Variants in DNM3 observed in about 807,000 individuals in gnomAD.
The protein encoded by DNM3 is dynamin-3.
A neutral mutation model predicts 101.6 loss-of-function variants in DNM3; 47 were observed. The observed-to-expected ratio is 0.46, with a 90% CI of 0.37 to 0.59. The LOEUF is 0.59. DNM3 is among the 20% of genes least tolerant of loss of function. The pLI, the probability that DNM3 is intolerant of heterozygous loss-of-function variation, is 0.00. For synonymous variants in DNM3, 385 were observed against 387.9 expected (o/e 0.99, Z 0.09); for missense variants, 849 against 1,085.7 (o/e 0.78, Z 3.06).
At chr1:172,107,573 A>G (rs754314246) in intron 13 of DNM3, among the ~76,000 whole-genome samples, 2 of 152,198 alleles carry the variant, frequency 1.3e-5, no homozygotes, top group Non-Finnish European at 1.5e-5. Flanking sequence ...ATAAAACCTC[A>G]TTGACTATAA....
Position 172,264,487 on chromosome 1 carries a change from T to G in DNM3, c.1769+10805T>G, listed in dbSNP as rs1295016230. ...TTGTTTTCTCTTCTGAGACAAGACC[T>G]TATAAGAAAATAAGTGTTCTCATTC... On this transcript the variant is annotated intron_variant, in intron 15 of 20. Transcript: ENST00000627582. Among the ~76,000 whole-genome samples, 4 of 152,220 alleles carry G rather than the reference T, an allele frequency of 2.6e-5. No homozygotes were observed. In the South Asian group the frequency reaches 8.3e-4, roughly 32 times the overall value.
At chr1:172,254,213 A>T (rs1378815686) in intron 15 of DNM3, among the ~76,000 whole-genome samples, 1 of 152,200 alleles carries the variant, frequency 6.6e-6, no homozygotes, top group African/African-American at 2.4e-5. Context: ...GGCATGAGCC[A>T]CTGCACCCAG....
At chr1:172,351,419 T>C (rs1178211523) in intron 17 of DNM3, among the ~76,000 whole-genome samples, 2 of 152,162 alleles carry the variant, frequency 1.3e-5, no homozygotes, top group East Asian at 1.9e-4. Flanking sequence ...AAGTAAACTT[T>C]TTTAGCAATA....
At chr1:171,884,897 G>T (rs929453963) in intron 1 of DNM3, among the ~76,000 whole-genome samples, 2 of 152,196 alleles carry the variant, frequency 1.3e-5, no homozygotes, top group Admixed American at 1.3e-4. Context: ...CTACAAAAGG[G>T]TGTGAATACA....
In DNM3 at chr1:172,057,319, G is replaced by A. The variant is rs978704615; in HGVS notation, c.1335+8569G>A. Among the ~76,000 whole-genome samples the A allele has an allele frequency of 1.4e-4, 22 of 152,194 alleles. 1 individual carries two copies. Among genetic ancestry groups the A allele is most frequent in the East Asian group, 5.8e-4 (3 of 5,172 alleles). On this transcript the variant is annotated intron_variant, in intron 10 of 20. Transcript: ENST00000627582. The stretch of plus-strand genomic sequence containing the variant: ...CCCCAATCTAGCAAGGCAGGCCAAC[G>A]CTCAGATTCAGGAAATACAGAGAAT...
intron 1 of DNM3, among the ~76,000 whole-genome samples, chr1:171,888,135 T>C (rs2036942550): frequency 6.6e-6 from 1 of 151,964 alleles, no homozygotes; most frequent in African/African-American, 2.4e-5. Context: ...AATTATATAT[T>C]AAGAATCTAG....
At chr1:172,359,651 C>T (rs2067642288) in intron 17 of DNM3, among the ~76,000 whole-genome samples, 1 of 151,054 alleles carries the variant, frequency 6.6e-6, no homozygotes, top group Non-Finnish European at 1.5e-5. Context: ...CCTTAAGTAG[C>T]TCTTGGCAGA....
At chr1:172,283,759 CAAAAAAAAA>C (rs769812358) in intron 15 of DNM3, among the ~76,000 whole-genome samples, 1 of 40,300 alleles carries the variant, frequency 2.5e-5, no homozygotes, top group African/African-American at 7.0e-5. Flanking sequence ...GACTCCATCT[CAAAAAAAAA>C]AAAAAAAAAA....
chr1:172,155,697 T>C (rs2058310938), intron 14 of DNM3, among the ~76,000 whole-genome samples: 1 of 152,124 alleles, frequency 6.6e-6, no homozygotes, highest in Non-Finnish European at 1.5e-5. Context: ...ACGCCTGTGA[T>C]GTTAGACTCT....
At chr1:172,333,965 A>G (rs1250866118) in intron 17 of DNM3, among the ~76,000 whole-genome samples, 2 of 152,214 alleles carry the variant, frequency 1.3e-5, no homozygotes, top group African/African-American at 2.4e-5. Context: ...TTCTCATTTT[A>G]TATCACAAGG....
chr1:171,957,541 CA>C (rs2042946926), intron 2 of DNM3, among the ~76,000 whole-genome samples: 1 of 152,116 alleles, frequency 6.6e-6, no homozygotes, highest in South Asian at 2.1e-4. Flanking sequence ...GCAAATTTTC[CA>C]AACTTTTATG....
intron 4 of DNM3, among the ~76,000 whole-genome samples, chr1:172,028,151 T>G (rs549668428): frequency 6.6e-6 from 1 of 152,172 alleles, no homozygotes; most frequent in Non-Finnish European, 1.5e-5. Context: ...ACTCCAAAAT[T>G]GACCACATAA....
chr1:172,394,876 TA>T (rs941422863), intron 20 of DNM3, among the ~76,000 whole-genome samples: 14 of 150,590 alleles, frequency 9.3e-5, no homozygotes, highest in African/African-American at 1.7e-4. Flanking sequence ...AAGGGGGGTT[TA>T]AAAAAAAAAG....
chr1:171,957,326 T>G (rs1261697072), intron 2 of DNM3, among the ~76,000 whole-genome samples: 1 of 151,780 alleles, frequency 6.6e-6, no homozygotes, highest in Non-Finnish European at 1.5e-5. Flanking sequence ...GCCTCCTGAG[T>G]AGCTGGGACT....
At chr1:172,320,654 A>G (rs1337056423) in intron 16 of DNM3, among the ~76,000 whole-genome samples, 1 of 152,174 alleles carries the variant, frequency 6.6e-6, no homozygotes, top group African/African-American at 2.4e-5. Context: ...CCCTTCTCTT[A>G]GGAAACTATC....
At chr1:171,990,200 T>C (rs2125625898) in intron 4 of DNM3, among the ~76,000 whole-genome samples, 1 of 152,274 alleles carries the variant, frequency 6.6e-6, no homozygotes, top group African/African-American at 2.4e-5. Context: ...CTGAATCTAT[T>C]GTTTTCTGAT....
intron 14 of DNM3, among the ~76,000 whole-genome samples, chr1:172,156,921 C>A (rs1230845374): frequency 3.9e-5 from 6 of 152,010 alleles, no homozygotes. Context: ...TTTCCATCTG[C>A]AAAATTGGGA....
intron 11 of DNM3, among the ~76,000 whole-genome samples, chr1:172,079,455 T>C (rs2052956021): frequency 6.6e-6 from 1 of 152,088 alleles, no homozygotes; most frequent in African/African-American, 2.4e-5. Context: ...TTGTGCTGTG[T>C]TTCTCAGCTC....
At chr1:172,025,259 C>G (rs1362958484) in intron 4 of DNM3, among the ~76,000 whole-genome samples, 1 of 152,230 alleles carries the variant, frequency 6.6e-6, no homozygotes, top group East Asian at 1.9e-4. Flanking sequence ...TAGATTCCTC[C>G]TCTCTGGGCA....
Sources: allele counts gnomAD v4.1 joint callset (sites outside exome capture counted in the v4.1 genomes callset), GRCh38; gene constraint gnomAD v4.1.1; transcripts MANE v1.5; gene names NCBI Gene and HGNC (gene_info 2026-07-23, HGNC 2026-07-21).